SYMPK: variants seen among roughly 807,000 people sequenced by gnomAD.
The protein encoded by SYMPK is symplekin.
In SYMPK, 49 loss-of-function variants were observed where a neutral mutation model predicts 136.4. The ratio of observed to expected loss-of-function variants is 0.36; its 90% confidence interval spans 0.29 to 0.46. The LOEUF is 0.46. Among genes scored for constraint, SYMPK ranks in the 20% least tolerant of loss-of-function variants. SYMPK has a pLI of 1.00. For synonymous variants in SYMPK, 766 were observed against 713.0 expected (o/e 1.07, Z -1.19); for missense variants, 1,365 against 1,690.0 (o/e 0.81, Z 3.37).
intron 1 of SYMPK, among the ~76,000 whole-genome samples, chr19:45,861,194 A>G (rs747150286): frequency 6.6e-6 from 1 of 152,164 alleles, no homozygotes; most frequent in African/African-American, 2.4e-5. Flanking sequence ...CTCAAAAAAT[A>G]AAATAAAATA....
At chr19:45,836,997 A>G (rs1971318023) in intron 10 of SYMPK, among the ~76,000 whole-genome samples, 2 of 152,202 alleles carry the variant, frequency 1.3e-5, no homozygotes, top group Non-Finnish European at 2.9e-5. Context: ...GCTTGCTTAC[A>G]TTGGAAAAGA....
chr19:45,841,417 A>G (rs151151242), intron 9 of SYMPK, among the ~76,000 whole-genome samples: 21,649 of 151,748 alleles, frequency 0.14, 1,624 homozygotes, highest in South Asian at 0.18. Flanking sequence ...CTCAGCCTCC[A>G]GAGTATCTGG....
chr19:45,817,855 T>C, intron 23 of SYMPK, 104 bp downstream of exon 23: 1 of 1,197,912 alleles, frequency 8.3e-7, no homozygotes, highest in Non-Finnish European at 1.2e-6. Flanking sequence ...GAGCCTGCTG[T>C]CCTCCACCGG....
chr19:45,855,544 T>A (rs146807264), intron 1 of SYMPK: 2 of 150,480 alleles, frequency 1.3e-5, no homozygotes, highest in Admixed American at 1.3e-4. Context: ...CATATAAATA[T>A]AAATAAAGGA....
Position 45,830,149 on chromosome 19 carries a change from G to A in SYMPK, c.1654C>T (p.Pro552Ser), listed in dbSNP as rs770001490. The A allele has an allele frequency of 6.2e-7, 1 of 1,606,184 alleles. No individual in the cohort carries two copies. Among genetic ancestry groups the A allele is most frequent in the Non-Finnish European group, 8.5e-7 (1 of 1,175,930 alleles). ...GCTTCCACCTGGGCATCGGTAAGGGGCTTCAGCACGTCGCTGAGACGGAAA... is the reference window on the plus strand; with the variant it reads ...GCTTCCACCTGGGCATCGGTAAGGGACTTCAGCACGTCGCTGAGACGGAAA... ...KIFRLSDVLKPLTDAQVEAMK... is the reference protein window; with the variant it reads ...KIFRLSDVLKSLTDAQVEAMK... Residue 552 changes from proline to serine, a missense_variant, in exon 13 of 27, where the codon CCC becomes TCC. This residue lies in a region of SYMPK where 303 missense variants were observed against 326.6 expected (regional missense o/e 0.93). Transcript: ENST00000245934.
At chr19:45,824,523 G>A (rs1296541293) in intron 18 of SYMPK, among the ~76,000 whole-genome samples, 3 of 152,120 alleles carry the variant, frequency 2.0e-5, no homozygotes, top group Non-Finnish European at 4.4e-5. Flanking sequence ...TCCAGGTAAG[G>A]GCCCCACTGA....
At chr19:45,847,072 G>C (rs1457177774) in intron 7 of SYMPK, among the ~76,000 whole-genome samples, 1 of 151,958 alleles carries the variant, frequency 6.6e-6, no homozygotes. Flanking sequence ...GGGACTATAA[G>C]CATGAGCCAC....
At chr19:45,830,333 T>C in intron 12 of SYMPK, 129 bp from the exon 13 acceptor site, 1 of 1,070,292 alleles carries the variant, frequency 9.3e-7, no homozygotes, top group Non-Finnish European at 1.3e-6. Context: ...GCCTCTCCAG[T>C]TCCTCTGTGT....
chr19:45,828,868 C>CG, intron 14 of SYMPK, 102 bp downstream of exon 14: 2 of 1,157,032 alleles, frequency 1.7e-6, no homozygotes, highest in South Asian at 1.4e-5. Flanking sequence ...AGGACTGACT[C>CG]GGGGGGTGAC....
At position 45,823,450 on chromosome 19, in the gene SYMPK, C is replaced by T. The variant is rs1970958282; in HGVS notation, c.2622G>A (p.Val874=). Residue 874 remains valine (V), a synonymous_variant, in exon 20 of 27, where the codon GTG becomes GTA. Transcript: ENST00000245934. ...TDKVPPSPEL[V]KRVRDLYHKR... ...TGTGGTAGAGATCCCGGACCCGCTTCACCAGCTCTGGGGAGGGTGGGACTG... is the reference window on the plus strand; with the variant it reads ...TGTGGTAGAGATCCCGGACCCGCTTTACCAGCTCTGGGGAGGGTGGGACTG... 1 of 1,613,988 alleles carries T rather than the reference C, an allele frequency of 6.2e-7. No homozygotes were observed. The highest frequency in any genetic ancestry group is 8.5e-7 in the Non-Finnish European group (1 of 1,180,020).
chr19:45,836,011 ACC>A lies in SYMPK; in HGVS notation c.1243-785_1243-784del, dbSNP rs1297612458. On this transcript the variant is annotated intron_variant, in intron 10 of 26. Coordinates refer to ENST00000245934, the MANE Select transcript of SYMPK (RefSeq NM_004819.3). ...ACTTCAAATAACAAGCAAACAAGAA[ACC>A]CCCCAGAATCCTAACAGAGAACATC... is the stretch of plus-strand genomic sequence containing the variant. Among the ~76,000 whole-genome samples the A allele has an allele frequency of 4.6e-5, 7 of 151,958 alleles. No homozygotes were observed. The East Asian group carries it at 1.4e-3, about 29-fold the overall frequency.
At chr19:45,849,437 T>A (rs898743771) in intron 5 of SYMPK, among the ~76,000 whole-genome samples, 2 of 151,996 alleles carry the variant, frequency 1.3e-5, no homozygotes, top group African/African-American at 4.8e-5. Context: ...AAGAAAAAAA[T>A]GAAGGGCCTC....
intron 1 of SYMPK, among the ~76,000 whole-genome samples, chr19:45,861,285 T>C (rs1971961493): frequency 6.6e-6 from 1 of 150,932 alleles, no homozygotes; most frequent in African/African-American, 2.5e-5. Context: ...CCCTGTTTCA[T>C]TCTTCTTCTG....
intron 7 of SYMPK, among the ~76,000 whole-genome samples, chr19:45,846,160 C>A (rs1285848113): frequency 1.3e-5 from 2 of 152,152 alleles, no homozygotes; most frequent in African/African-American, 4.8e-5. Context: ...GGCGTGAACA[C>A]GGGAGGCGGA....
chr19:45,830,555 G>T, intron 12 of SYMPK: 1 of 222,220 alleles, frequency 4.5e-6, no homozygotes, highest in Admixed American at 4.9e-5. Context: ...GAGGGTAGCA[G>T]AAGAGAGCTC....
At chr19:45,848,266 A>G (rs1971615028) in intron 6 of SYMPK, among the ~76,000 whole-genome samples, 1 of 152,230 alleles carries the variant, frequency 6.6e-6, no homozygotes, top group South Asian at 2.1e-4. Flanking sequence ...TCTTCAGGGT[A>G]AAGGACTAAC....
intron 7 of SYMPK, among the ~76,000 whole-genome samples, chr19:45,844,614 G>A (rs1165711156): frequency 3.3e-5 from 5 of 152,096 alleles, no homozygotes; most frequent in African/African-American, 1.2e-4. Context: ...GGCAGAGGTT[G>A]CAGTGAGCCG....
chr19:45,843,360 G>A (rs1004331267), intron 8 of SYMPK, among the ~76,000 whole-genome samples: 2 of 152,076 alleles, frequency 1.3e-5, no homozygotes, highest in South Asian at 2.1e-4. Flanking sequence ...CAGACTTCTC[G>A]GTTTTCGTTT....
rs1330884947 is a variant in SYMPK, at chr19:45,815,846, C to T, written c.3687+5G>A. The T allele has an allele frequency of 8.7e-6, 14 of 1,611,150 alleles. No homozygotes were observed. Among genetic ancestry groups the T allele is most frequent in the East Asian group, 2.2e-5 (1 of 44,820 alleles). ...TTCCTTCGCAGCGGAGGCTGCTCTC[C>T]CTACCTTGGGTAGGGGGCCCTCGAG... On this transcript the variant is annotated splice_donor_5th_base_variant and intron_variant, in intron 26 of 26. Coordinates refer to ENST00000245934, the MANE Select transcript of SYMPK (RefSeq NM_004819.3).
Sources: allele counts gnomAD v4.1 joint callset (sites outside exome capture counted in the v4.1 genomes callset), GRCh38; gene constraint gnomAD v4.1.1; regional missense constraint gnomAD v4.1.1; transcripts MANE v1.5; gene names NCBI Gene and HGNC (gene_info 2026-07-23, HGNC 2026-07-21).